The following WDR47 variants were observed in gnomAD, a reference collection of about 807,000 sequenced individuals.
The protein encoded by WDR47 is WD repeat-containing protein 47.
A neutral mutation model predicts 97.2 loss-of-function variants in WDR47; 32 were observed. The observed-to-expected ratio is 0.33, with a 90% CI of 0.25 to 0.44. The LOEUF (loss-of-function observed/expected upper bound fraction) is 0.44. Among genes scored for constraint, WDR47 ranks in the 20% least tolerant of loss-of-function variants. The pLI, the probability that WDR47 is intolerant of heterozygous loss-of-function variation, is 1.00. For missense variants in WDR47, 782 were observed against 1,102.3 expected (o/e 0.71, Z 4.11); for synonymous variants, 375 against 373.5 (o/e 1.00, Z -0.05).
chr1:109,011,764 G>T, intron 4 of WDR47, 46 bp from the exon 5 acceptor site: 1 of 1,497,406 alleles, frequency 6.7e-7, no homozygotes, highest in Non-Finnish European at 9.0e-7. Context: ...TAAAAAACAT[G>T]CTATGAAATA....
At chr1:109,032,410 A>T (rs1662663489) in intron 1 of WDR47, among the ~76,000 whole-genome samples, 1 of 132,808 alleles carries the variant, frequency 7.5e-6, no homozygotes, top group Non-Finnish European at 1.6e-5. Context: ...CGGGAGGCTG[A>T]GGCAGGAGAA....
At chr1:109,041,757 GC>G (rs1224326066) in intron 1 of WDR47, 104 bp downstream of exon 1, 1 of 152,298 alleles carries the variant, frequency 6.6e-6, no homozygotes, top group Non-Finnish European at 1.5e-5. Context: ...CCTCGGGGCC[GC>G]CCGGTCGGAG....
chr1:108,990,991 G>GA (rs963158500), intron 9 of WDR47, among the ~76,000 whole-genome samples: 2 of 148,848 alleles, frequency 1.3e-5, no homozygotes, highest in Admixed American at 1.3e-4. Flanking sequence ...AGTTTGTGGG[G>GA]TTTTTTTTTG....
intron 3 of WDR47, 39 bp from the exon 4 acceptor site, chr1:109,013,964 T>G (rs780507642): frequency 6.9e-7 from 1 of 1,445,574 alleles, no homozygotes; most frequent in Non-Finnish European, 9.6e-7. Flanking sequence ...TTCCAATGTC[T>G]GATGTCAAAT....
chr1:108,977,360 G>T (rs71655975), intron 13 of WDR47, among the ~76,000 whole-genome samples: 10,500 of 151,988 alleles, frequency 0.069, 476 homozygotes, highest in Middle Eastern at 0.13. Flanking sequence ...CACCATGTTG[G>T]CCAGACTGGT....
chr1:109,000,988 T>C (rs1005809825), intron 7 of WDR47, among the ~76,000 whole-genome samples: 1 of 152,144 alleles, frequency 6.6e-6, no homozygotes, highest in African/African-American at 2.4e-5. Context: ...TATTATTTTA[T>C]TGAATTCTAA....
At chr1:109,035,883 G>A (rs6669151) in intron 1 of WDR47, among the ~76,000 whole-genome samples, 149,431 of 151,806 alleles carry the variant, frequency 0.98, 73,600 homozygotes, top group Middle Eastern at 1. Context: ...TGCTATTGCC[G>A]GGCCTGTTCA....
intron 3 of WDR47, among the ~76,000 whole-genome samples, chr1:109,016,431 C>A (rs553631091): frequency 2.0e-5 from 3 of 152,094 alleles, no homozygotes; most frequent in East Asian, 3.9e-4. Flanking sequence ...GCCAGAGCAG[C>A]TAAAAAATGA....
In WDR47 at chr1:108,982,643, T is replaced by G; in HGVS notation, c.2232A>C (p.Arg744Ser). The change falls in exon 12 of 15, where the codon AGA (arginine) becomes AGC (serine). Residue 744 changes from arginine to serine, a missense_variant. Coordinates refer to ENST00000369962, the MANE Select transcript of WDR47 (RefSeq NM_001142551.2). ...DCNIYTTDCQ[R>S]GQGLHALSGH... ...CACTCAAAGCATGGAGGCCCTGTCC[T>G]CTTTGACAATCGGTTGTATAAATGT... 6.2e-7 allele frequency: 1 copy of G among 1,612,748 alleles called. No individual in the cohort carries two copies. Among genetic ancestry groups the G allele is most frequent in the Non-Finnish European group, 8.5e-7 (1 of 1,179,714 alleles).
chr1:109,034,132 T>C (rs1054857692), intron 1 of WDR47, among the ~76,000 whole-genome samples: 9 of 150,834 alleles, frequency 6.0e-5, no homozygotes, highest in Non-Finnish European at 8.9e-5. Flanking sequence ...CTACTAAAAA[T>C]ACAAAATTAG....
chr1:108,997,496 C>T (rs1659843211), intron 7 of WDR47, among the ~76,000 whole-genome samples: 3 of 151,386 alleles, frequency 2.0e-5, no homozygotes, highest in Admixed American at 2.0e-4. Context: ...GTGGCTCATG[C>T]CTGTAATCCC....
Position 108,971,152 on chromosome 1 carries a change from G to T in WDR47, c.*278C>A. 1 of 362,598 alleles carries T rather than the reference G, an allele frequency of 2.8e-6. No homozygotes were observed. The highest frequency in any genetic ancestry group is 5.0e-6 in the Non-Finnish European group (1 of 199,200). 22.5% of individuals were successfully genotyped at this position (362,598 alleles called of 1,614,324 possible). A position where few individuals can be genotyped will look rare whatever the true frequency, so the allele number is the denominator to read the frequency against. On this transcript the variant is annotated 3_prime_UTR_variant, in exon 15 of 15. Transcript: ENST00000369962. ...AAACCGTAAACACATTGTCCATCCT[G>T]ACTTGGAGTGCACACCAACAACTGA...
chr1:108,984,814 G>C (rs1482685227), intron 10 of WDR47, among the ~76,000 whole-genome samples: 2 of 152,148 alleles, frequency 1.3e-5, no homozygotes, highest in African/African-American at 4.8e-5. Context: ...GGAGGTGGAG[G>C]TTACAGTGAG....
chr1:109,022,417 C>T (rs1322295719), intron 2 of WDR47, among the ~76,000 whole-genome samples: 2 of 134,536 alleles, frequency 1.5e-5, no homozygotes, highest in Non-Finnish European at 3.1e-5. Flanking sequence ...AATGGTATTT[C>T]AGAAACATTT....
At chr1:109,018,596 C>T (rs776960370) in intron 2 of WDR47, among the ~76,000 whole-genome samples, 1 of 152,120 alleles carries the variant, frequency 6.6e-6, no homozygotes, top group Non-Finnish European at 1.5e-5. Flanking sequence ...AAGCAATTCA[C>T]TCGAGCTCAG....
chr1:108,971,549 T>C lies in WDR47; in HGVS notation c.2641A>G (p.Ile881Val), dbSNP rs530116789. The change falls in exon 15 of 15, where the codon ATC (isoleucine) becomes GTC (valine). Residue 881 changes from isoleucine (I) to valine (V), a missense_variant. By Grantham distance (29) the Ile-to-Val change is conservative. This residue lies in a region of WDR47 where 228 missense variants were observed against 396.7 expected (regional missense o/e 0.57). Coordinates refer to ENST00000369962, the MANE Select transcript of WDR47 (RefSeq NM_001142551.2). ...TCCTTGTGCTCCCCCACCACCATGATAGGAAGCTGCTTGGTGAGGTCCCCT... is the reference window on the plus strand; with the variant it reads ...TCCTTGTGCTCCCCCACCACCATGACAGGAAGCTGCTTGGTGAGGTCCCCT... ...LQGDLTKQLP[I>V]MVVGEHKDKV... The C allele has an allele frequency of 4.3e-6, 7 of 1,614,192 alleles. No homozygotes were observed. The South Asian group carries it at 4.4e-5, about 10-fold the overall frequency.
At position 109,011,194 on chromosome 1, in the gene WDR47, C is replaced by A; in HGVS notation, c.852G>T (p.Leu284Phe). 1 of 1,614,020 alleles carries A rather than the reference C, an allele frequency of 6.2e-7. No individual in the cohort carries two copies. Among genetic ancestry groups the A allele is most frequent in the South Asian group, 1.1e-5 (1 of 91,064 alleles). The change falls in exon 5 of 15, where the codon TTG (leucine) becomes TTT (phenylalanine). Residue 284 changes from leucine to phenylalanine, a missense_variant. This residue lies in a region of WDR47 where 428 missense variants were observed against 584.3 expected (regional missense o/e 0.73). Transcript: ENST00000369962. The stretch of plus-strand genomic sequence containing the variant: ...GAGAGAGTTTGCTGATAAGAGGAGT[C>A]AAAAGATCAGCATATGCAGCTTTTG... ...KPTKAAYADL[L>F]TPLISKLSPY...
chr1:109,028,361 G>GTTTTTT (rs1414813690), intron 1 of WDR47, among the ~76,000 whole-genome samples: 28 of 27,596 alleles, frequency 1.0e-3, no homozygotes, highest in African/African-American at 1.6e-3. Context: ...ATTTTTGTTG[G>GTTTTTT]GTTTTTTTTT....
rs1217932020 is a variant in WDR47, at chr1:108,971,409, T to C, written c.*21A>G. 3 of 1,613,610 alleles carry C rather than the reference T, an allele frequency of 1.9e-6. No individual in the cohort carries two copies. Among genetic ancestry groups the C allele is most frequent in the African/African-American group, 1.3e-5 (1 of 74,910 alleles). ...CTTAAGTCTCTGTGCTTTTGCTGCA[T>C]AGACTGACATGCGGTGTGCTCTACC... is the stretch of plus-strand genomic sequence containing the variant. On this transcript the variant is annotated 3_prime_UTR_variant, in exon 15 of 15. Coordinates refer to ENST00000369962, the MANE Select transcript of WDR47 (RefSeq NM_001142551.2).
Sources: allele counts gnomAD v4.1 joint callset (sites outside exome capture counted in the v4.1 genomes callset), GRCh38; gene constraint gnomAD v4.1.1; regional missense constraint gnomAD v4.1.1; transcripts MANE v1.5; gene names NCBI Gene and HGNC (gene_info 2026-07-23, HGNC 2026-07-21).